The following PUDP variants were observed in gnomAD, a reference collection of about 807,000 sequenced individuals.
The protein encoded by PUDP is pseudouridine-5'-phosphatase.
In PUDP, 8 loss-of-function variants were observed where a neutral mutation model predicts 9.4. That is an observed-to-expected ratio of 0.85 (90% CI 0.50 to 1.53). The LOEUF (loss-of-function observed/expected upper bound fraction) is 1.53, where lower values mean the gene tolerates loss of function less well. Ranked by LOEUF, PUDP falls within the 40% of genes most tolerant of loss-of-function variation. PUDP has a pLI of 0.00. For synonymous variants in PUDP, 99 were observed against 80.7 expected (o/e 1.23, Z -1.22); for missense variants, 188 against 189.7 (o/e 0.99, Z 0.05).
At position 7,077,398 on chromosome X, in the gene PUDP, A is replaced by G; in HGVS notation, c.332T>C (p.Leu111Pro). 3 of 1,211,265 alleles carry G rather than the reference A, an allele frequency of 2.5e-6. No homozygotes were observed. The highest frequency in any genetic ancestry group is 3.4e-6 in the Non-Finnish European group (3 of 895,177). Reference sequence around the variant, plus strand: ...CGACGCGGACCCCGAGCTGGTGGCCAGTGCAAAGGGGATGCCATGTTTCCG... The same window carrying G: ...CGACGCGGACCCCGAGCTGGTGGCCGGTGCAAAGGGGATGCCATGTTTCCG... ...HLRKHGIPFALATSSGSASFD... is the reference protein window; with the variant it reads ...HLRKHGIPFAPATSSGSASFD... Residue 111 changes from leucine (L) to proline (P), a missense_variant, in exon 3 of 4, where the codon CTG becomes CCG. Physicochemically the swap from Leu to Pro is moderately conservative, Grantham distance 98 (BLOSUM62 -3). Transcript: ENST00000381077.
intron 3 of PUDP, among the ~76,000 whole-genome samples, chrX:6,887,066 A>C (rs6529995): frequency 0.014 from 1,465 of 105,424 alleles, 27 homozygotes; most frequent in African/African-American, 0.048. Context: ...ATGATATATT[A>C]TGTATTGTAT....
At chrX:7,040,360 C>T (rs973922176) in intron 1 of PUDP, among the ~76,000 whole-genome samples, 3 of 112,244 alleles carry the variant, frequency 2.7e-5, no homozygotes, top group Non-Finnish European at 5.6e-5. Context: ...CCAATCTGTG[C>T]CCACCACAGA....
At chrX:6,810,183 G>C (rs1926119993) in intron 3 of PUDP, among the ~76,000 whole-genome samples, 1 of 111,494 alleles carries the variant, frequency 9.0e-6, no homozygotes, top group Non-Finnish European at 1.9e-5. Flanking sequence ...ATAACAACTA[G>C]TATTAAGATG....
rs2379207 is a variant in PUDP at position 7,077,376 on chromosome X, C to A, written c.354G>T (p.Ala118=). ...PFALATSSGS[A]SFDMKTSRHK... ...GGCGGCTTGTCTTCATATCGAACGA[C>A]GCGGACCCCGAGCTGGTGGCCAGTG... Residue 118 remains alanine (A), a synonymous_variant, in exon 3 of 4, where the codon GCG becomes GCT. Coordinates refer to ENST00000381077, the MANE Select transcript of PUDP (RefSeq NM_012080.5). 1.7e-6 allele frequency: 2 copies of A among 1,209,765 alleles called. No homozygotes were observed. The highest frequency in any genetic ancestry group is 2.2e-6 in the Non-Finnish European group (2 of 894,610).
chrX:7,083,270 C>T (rs760627610), intron 2 of PUDP, among the ~76,000 whole-genome samples: 1 of 111,781 alleles, frequency 8.9e-6, no homozygotes, highest in East Asian at 2.9e-4. Flanking sequence ...ACAGACACTG[C>T]CAGGTGTTTG....
At chrX:6,999,078 C>A (rs771821144) in intron 1 of PUDP, among the ~76,000 whole-genome samples, 15 of 111,280 alleles carry the variant, frequency 1.3e-4, no homozygotes, top group Admixed American at 5.7e-4. Flanking sequence ...CTTCTGGGTA[C>A]AGGGAGTGAT....
intron 3 of PUDP, among the ~76,000 whole-genome samples, chrX:6,824,651 G>C (rs193263319): frequency 7.4e-4 from 82 of 111,432 alleles, no homozygotes; most frequent in Admixed American, 1.4e-3. Context: ...TGGTATATCA[G>C]CTTCTGTACC....
At chrX:6,748,261 G>A (rs922514985) in intron 3 of PUDP, among the ~76,000 whole-genome samples, 10 of 111,670 alleles carry the variant, frequency 9.0e-5, no homozygotes, top group African/African-American at 1.6e-4. Context: ...CAGAGCCCTC[G>A]GGCCCAGAGT....
At chrX:6,821,826 G>A (rs144202183) in intron 3 of PUDP, among the ~76,000 whole-genome samples, 4 of 111,864 alleles carry the variant, frequency 3.6e-5, no homozygotes, top group Admixed American at 9.4e-5. Flanking sequence ...TGGAGCCTCC[G>A]TCTTCCCTTT....
chrX:6,999,508 T>G (rs766337676), intron 1 of PUDP, among the ~76,000 whole-genome samples: 170 of 112,164 alleles, frequency 1.5e-3, no homozygotes, highest in Non-Finnish European at 1.2e-3. Context: ...AATTGACCAC[T>G]TATTAGTTCA....
intron 3 of PUDP, among the ~76,000 whole-genome samples, chrX:6,766,452 G>T (rs1054946691): frequency 2.7e-5 from 3 of 111,562 alleles, no homozygotes; most frequent in African/African-American, 9.8e-5. Flanking sequence ...AATTATAAAT[G>T]GGGGAAGGTA....
At chrX:6,759,827 G>C (rs987187342) in intron 3 of PUDP, among the ~76,000 whole-genome samples, 1 of 111,593 alleles carries the variant, frequency 9.0e-6, no homozygotes, top group African/African-American at 3.3e-5. Context: ...TGTTTACAAC[G>C]ATGCTGCCAA....
At chrX:7,117,982 T>C (rs1932243269) in intron 1 of PUDP, among the ~76,000 whole-genome samples, 1 of 113,289 alleles carries the variant, frequency 8.8e-6, no homozygotes, top group Non-Finnish European at 1.9e-5. Flanking sequence ...TTGCTTTCTG[T>C]ATAGCCTACA....
chrX:6,856,329 C>T (rs767210248), intron 3 of PUDP, among the ~76,000 whole-genome samples: 19 of 111,820 alleles, frequency 1.7e-4, no homozygotes, highest in Non-Finnish European at 2.8e-4. Flanking sequence ...GCAGTGAGCA[C>T]CTGTTTCCAG....
At chrX:7,073,548 G>T (rs920689310) in intron 3 of PUDP, among the ~76,000 whole-genome samples, 10 of 112,684 alleles carry the variant, frequency 8.9e-5, no homozygotes, top group Non-Finnish European at 1.7e-4. Flanking sequence ...CCCACACTGC[G>T]GGCAAGAAGC....
At chrX:7,082,483 A>G (rs1359766880) in intron 2 of PUDP, among the ~76,000 whole-genome samples, 1 of 112,162 alleles carries the variant, frequency 8.9e-6, no homozygotes, top group South Asian at 3.7e-4. Context: ...GGGGTTGACA[A>G]CGCAAAGTGG....
intron 1 of PUDP, among the ~76,000 whole-genome samples, chrX:7,003,868 G>T (rs998045012): frequency 9.0e-6 from 1 of 111,013 alleles, no homozygotes; most frequent in African/African-American, 3.3e-5. Context: ...ATGTCCTATT[G>T]GTTCCATGGT....
chrX:6,964,709 GAATA>G (rs756893381), intron 3 of PUDP, among the ~76,000 whole-genome samples: 1 of 110,508 alleles, frequency 9.0e-6, no homozygotes, highest in African/African-American at 3.3e-5. Context: ...GTCAATAAAT[GAATA>G]AATAAATAAA....
chrX:7,042,560 T>C (rs1289564163), intron 1 of PUDP, among the ~76,000 whole-genome samples: 1 of 111,891 alleles, frequency 8.9e-6, no homozygotes, highest in African/African-American at 3.2e-5. Flanking sequence ...CACATTGTTC[T>C]CTTTTGGTAG....
Sources: gnomAD v4.1 joint callset for allele counts (sites outside exome capture counted in the v4.1 genomes callset) on GRCh38, gnomAD v4.1.1 for gene constraint, MANE v1.5 for transcripts, NCBI Gene and HGNC (gene_info 2026-07-23, HGNC 2026-07-21) for gene names.